SUGCT: variants seen among roughly 807,000 people sequenced by gnomAD.
SUGCT encodes succinyl-CoA:glutarate-CoA transferase, also known as succinyl-CoA:glutarate CoA-transferase.
SUGCT carries 41 observed loss-of-function variants against 55.0 expected under a neutral mutation model. The ratio of observed to expected loss-of-function variants is 0.74; its 90% confidence interval spans 0.58 to 0.97. SUGCT has a LOEUF of 0.97. Ranked by LOEUF, SUGCT falls within the 50% of genes least tolerant of loss-of-function variation. SUGCT has a pLI of 0.00. For missense variants in SUGCT, 568 were observed against 547.8 expected (o/e 1.04, Z -0.37); for synonymous variants, 187 against 200.4 (o/e 0.93, Z 0.56).
intron 13 of SUGCT, among the ~76,000 whole-genome samples, chr7:40,819,971 A>G (rs1791892378): frequency 6.6e-6 from 1 of 152,210 alleles, no homozygotes; most frequent in South Asian, 2.1e-4. Flanking sequence ...TCAGCTTTCT[A>G]CATATGGCTA....
intron 1 of SUGCT, among the ~76,000 whole-genome samples, chr7:40,172,624 G>A (rs892995948): frequency 6.6e-6 from 1 of 152,172 alleles, no homozygotes; most frequent in African/African-American, 2.4e-5. Context: ...AGAAGGAGAT[G>A]TAGGGGCGCA....
At chr7:40,304,187 G>A (rs1379666999) in intron 8 of SUGCT, among the ~76,000 whole-genome samples, 2 of 152,090 alleles carry the variant, frequency 1.3e-5, no homozygotes, top group African/African-American at 4.8e-5. Flanking sequence ...CCAGACAAAG[G>A]ATGTGAAGCC....
At chr7:40,816,924 T>C (rs939169219) in intron 13 of SUGCT, among the ~76,000 whole-genome samples, 1 of 152,164 alleles carries the variant, frequency 6.6e-6, no homozygotes, top group Non-Finnish European at 1.5e-5. Flanking sequence ...AGAAGTCAAA[T>C]AAGAGTTGCA....
chr7:40,866,942 C>G, the SUGCT span, among the ~76,000 whole-genome samples: 1 of 151,664 alleles, frequency 6.6e-6, no homozygotes, highest in African/African-American at 2.4e-5. Context: ...TGGTGGGTCT[C>G]TGTGTGGGCG....
chr7:40,729,099 G>C (rs766521005), intron 12 of SUGCT, among the ~76,000 whole-genome samples: 1 of 152,098 alleles, frequency 6.6e-6, no homozygotes, highest in African/African-American at 2.4e-5. Flanking sequence ...CTTTTGATTG[G>C]ATCCAAAATG....
chr7:40,377,726 G>T (rs1447921405), intron 9 of SUGCT, among the ~76,000 whole-genome samples: 1 of 152,144 alleles, frequency 6.6e-6, no homozygotes, highest in African/African-American at 2.4e-5. Flanking sequence ...TTACTATATA[G>T]TGTCCTTTCA....
chr7:40,302,882 C>T (rs1323446198), intron 8 of SUGCT, among the ~76,000 whole-genome samples: 1 of 152,056 alleles, frequency 6.6e-6, no homozygotes, highest in Middle Eastern at 3.2e-3. Flanking sequence ...GACTGTGTCT[C>T]ATCATTATTC....
intron 9 of SUGCT, among the ~76,000 whole-genome samples, chr7:40,422,261 G>T (rs1787350306): frequency 6.6e-6 from 1 of 151,918 alleles, no homozygotes; most frequent in Non-Finnish European, 1.5e-5. Flanking sequence ...TTAGAATAGG[G>T]TGTAATTAAA....
chr7:40,755,224 G>A (rs1413272702), intron 13 of SUGCT, among the ~76,000 whole-genome samples: 9 of 152,174 alleles, frequency 5.9e-5, no homozygotes, highest in Admixed American at 5.9e-4. Flanking sequence ...TAGGACTTGC[G>A]AGTGGAGCTT....
At chr7:40,942,482 A>G in the SUGCT span, among the ~76,000 whole-genome samples, 2 of 152,076 alleles carry the variant, frequency 1.3e-5, no homozygotes, top group Non-Finnish European at 2.9e-5. Context: ...TTTTGTTTCA[A>G]TACTCATAAT....
At chr7:40,350,375 A>G (rs578141103) in intron 9 of SUGCT, among the ~76,000 whole-genome samples, 1 of 150,610 alleles carries the variant, frequency 6.6e-6, no homozygotes, top group Non-Finnish European at 1.5e-5. Flanking sequence ...GTGCGGTGGC[A>G]CGATCTCAGT....
intron 12 of SUGCT, among the ~76,000 whole-genome samples, chr7:40,641,609 C>T (rs928007357): frequency 6.6e-6 from 1 of 152,144 alleles, no homozygotes; most frequent in Non-Finnish European, 1.5e-5. Context: ...GCCTTCAGAT[C>T]GAGGAAAACC....
chr7:40,447,554 G>A (rs1051025330), intron 9 of SUGCT, among the ~76,000 whole-genome samples: 6 of 152,004 alleles, frequency 3.9e-5, no homozygotes, highest in Non-Finnish European at 5.9e-5. Flanking sequence ...GGCAGGTGGC[G>A]CTCTTATGTC....
intron 6 of SUGCT, among the ~76,000 whole-genome samples, chr7:40,233,868 A>G (rs1788859134): frequency 2.6e-5 from 4 of 152,208 alleles, no homozygotes; most frequent in Admixed American, 2.6e-4. Flanking sequence ...AGGCTTAGGA[A>G]GATTGAATGA....
chr7:40,633,914 T>G (rs1799907876), intron 12 of SUGCT, among the ~76,000 whole-genome samples: 1 of 152,236 alleles, frequency 6.6e-6, no homozygotes, highest in Non-Finnish European at 1.5e-5. Flanking sequence ...AGCAAATATA[T>G]CATTTTATGC....
intron 12 of SUGCT, among the ~76,000 whole-genome samples, chr7:40,739,615 TC>T (rs920182641): frequency 3.9e-5 from 6 of 152,090 alleles, no homozygotes; most frequent in Middle Eastern, 3.2e-3. Flanking sequence ...GTTTCTTTTT[TC>T]CCCCCAGCTC....
intron 7 of SUGCT, among the ~76,000 whole-genome samples, chr7:40,272,582 G>T (rs917802691): frequency 6.6e-6 from 1 of 151,092 alleles, no homozygotes; most frequent in East Asian, 1.9e-4. Context: ...ATATCTCTTC[G>T]TGATTGATTT....
At chr7:40,817,622 G>C (rs1020126136) in intron 13 of SUGCT, among the ~76,000 whole-genome samples, 1 of 152,152 alleles carries the variant, frequency 6.6e-6, no homozygotes, top group Admixed American at 6.5e-5. Flanking sequence ...ACATCCAAAA[G>C]AAGATAAGGT....
intron 13 of SUGCT, among the ~76,000 whole-genome samples, chr7:40,824,910 T>A (rs1055652493): frequency 6.6e-6 from 1 of 152,194 alleles, no homozygotes; most frequent in Admixed American, 6.5e-5. Flanking sequence ...CAATTAAATA[T>A]CAGCATGAGT....
Sources: gnomAD v4.1 joint callset for allele counts (sites outside exome capture counted in the v4.1 genomes callset) on GRCh38, gnomAD v4.1.1 for gene constraint, MANE v1.5 for transcripts, NCBI Gene and HGNC (gene_info 2026-07-23, HGNC 2026-07-21) for gene names.